Variants in RUVBL2 observed in about 807,000 individuals in gnomAD.
RUVBL2 encodes the protein ruvB-like 2.
In RUVBL2, 9 loss-of-function variants were observed where a neutral mutation model predicts 57.9. The observed-to-expected ratio is 0.16, with a 90% CI of 0.09 to 0.27. The LOEUF (loss-of-function observed/expected upper bound fraction) is 0.27, where lower values mean the gene tolerates loss of function less well. Among genes scored for constraint, RUVBL2 ranks in the 10% least tolerant of loss-of-function variants. The pLI is 1.00. For synonymous variants in RUVBL2, 278 were observed against 264.6 expected (o/e 1.05, Z -0.49); for missense variants, 456 against 669.6 (o/e 0.68, Z 3.52).
At chr19:49,014,662 C>G in intron 12 of RUVBL2, 59 bp downstream of exon 12, 1 of 1,593,766 alleles carries the variant, frequency 6.3e-7, no homozygotes, top group South Asian at 1.1e-5. Flanking sequence ...CCCTGTTTGA[C>G]AAATGCTGAC....
intron 4 of RUVBL2, among the ~76,000 whole-genome samples, chr19:49,005,438 G>A (rs2039264097): frequency 6.6e-6 from 1 of 152,200 alleles, no homozygotes; most frequent in South Asian, 2.1e-4. Flanking sequence ...TGACAGAGGA[G>A]GCTCCTGACC....
In RUVBL2 at chr19:49,007,136, C is replaced by T. The variant is rs760854037; in HGVS notation, c.384C>T (p.Gly128=). ...ALTQAFRRSI[G]VRIKEETEII... Reference sequence around the variant, plus strand: ...CGCAGGCCTTCCGGCGGTCCATCGGCGTTCGCATCAAGTAAGCGGGGGACC... The same window carrying T: ...CGCAGGCCTTCCGGCGGTCCATCGGTGTTCGCATCAAGTAAGCGGGGGACC... Residue 128 remains glycine, a synonymous_variant, in exon 5 of 15, where the codon GGC becomes GGT. Transcript: ENST00000595090. 26 of 1,613,212 alleles carry T rather than the reference C, an allele frequency of 1.6e-5. No homozygotes were observed. The highest frequency in any genetic ancestry group is 2.7e-5 in the African/African-American group (2 of 74,956).
rs902222778 is a variant in RUVBL2, at chr19:49,003,326, C to G, written c.115C>G (p.Pro39Ala). The G allele has an allele frequency of 3.1e-6, 5 of 1,613,836 alleles. No individual in the cohort carries two copies. The highest frequency in any genetic ancestry group is 2.7e-5 in the African/African-American group (2 of 74,902). ...RGLGLDDALE[P>A]RQASQGMVGQ... Reference sequence around the variant, plus strand: ...ACTGGGGCTGGACGATGCCTTGGAGCCTCGGCAGGTAGAGCAGAGGAGGCT... The same window carrying G: ...ACTGGGGCTGGACGATGCCTTGGAGGCTCGGCAGGTAGAGCAGAGGAGGCT... Residue 39 changes from proline (P) to alanine (A), a missense_variant, in exon 3 of 15, where the codon CCT (proline) becomes GCT (alanine). By Grantham distance (27) the Pro-to-Ala change is conservative. This residue lies in a region of RUVBL2 where 233 missense variants were observed against 306.0 expected (regional missense o/e 0.76). Coordinates refer to ENST00000595090, the MANE Select transcript of RUVBL2 (RefSeq NM_006666.3).
chr19:48,999,372 C>T lies in RUVBL2; in HGVS notation c.66C>T (p.Ile22=), dbSNP rs866373782. The T allele has an allele frequency of 3.1e-5, 50 of 1,614,082 alleles. No individual in the cohort carries two copies. The highest frequency in any genetic ancestry group is 3.3e-4 in the Middle Eastern group (2 of 6,084). The change falls in exon 2 of 15, where the codon ATC becomes ATT. Residue 22 remains isoleucine, a splice_region_variant and synonymous_variant. Coordinates refer to ENST00000595090, the MANE Select transcript of RUVBL2 (RefSeq NM_006666.3). ...GTGATGTAACAAGGATTGAGCGAAT[C>T]GGTGAGTGAGTTGGGTCAGGAATAG... ...EIRDVTRIER[I]GAHSHIRGLG...
At chr19:49,003,174 C>CAAAAAA in intron 2 of RUVBL2, 105 bp from the exon 3 acceptor site, 1 of 838,202 alleles carries the variant, frequency 1.2e-6, no homozygotes, top group Non-Finnish European at 2.0e-6. Flanking sequence ...CTCCCTACTC[C>CAAAAAA]CACCCACCCC....
At position 49,015,089 on chromosome 19, in the gene RUVBL2, C is replaced by T. The variant is rs2122663656; in HGVS notation, c.1190C>T (p.Thr397Met). ...YTVLTRIGLE[T>M]SLRYAIQLIT... Reference sequence around the variant, plus strand: ...GTGCTGACCCGCATCGGGCTGGAGACGTCACTGCGCTACGCCATCCAGCTC... The same window carrying T: ...GTGCTGACCCGCATCGGGCTGGAGATGTCACTGCGCTACGCCATCCAGCTC... Residue 397 changes from threonine (T) to methionine (M), a missense_variant, in exon 13 of 15, where the codon ACG becomes ATG. Physicochemically the swap from Thr to Met is moderately conservative, Grantham distance 81. Around this residue, in one of 5 missense-constraint regions of RUVBL2, gnomAD observed 130 missense variants for 243.0 expected, o/e 0.53. Coordinates refer to ENST00000595090, the MANE Select transcript of RUVBL2 (RefSeq NM_006666.3). The T allele has an allele frequency of 1.2e-6, 2 of 1,610,078 alleles. No individual in the cohort carries two copies. The highest frequency in any genetic ancestry group is 1.7e-6 in the Non-Finnish European group (2 of 1,178,316).
intron 2 of RUVBL2, among the ~76,000 whole-genome samples, chr19:48,999,779 A>G (rs973488062): frequency 6.6e-6 from 1 of 152,186 alleles, no homozygotes; most frequent in East Asian, 1.9e-4. Context: ...ATCAAGAGAT[A>G]ACCATTGAAT....
intron 11 of RUVBL2, among the ~76,000 whole-genome samples, chr19:49,013,244 G>T (rs1450850250): frequency 1.3e-5 from 2 of 151,798 alleles, no homozygotes. Context: ...TTACAGGGGT[G>T]AGTCACCGCG....
intron 2 of RUVBL2, 114 bp from the exon 3 acceptor site, chr19:49,003,165 T>TACCCAAAA: frequency 1.4e-6 from 1 of 708,038 alleles, no homozygotes; most frequent in Non-Finnish European, 2.5e-6. Context: ...CAACCCCTGC[T>TACCCAAAA]CCCTACTCCC....
chr19:49,004,706 C>T (rs2039250261), intron 4 of RUVBL2, among the ~76,000 whole-genome samples: 1 of 152,108 alleles, frequency 6.6e-6, no homozygotes, highest in African/African-American at 2.4e-5. Context: ...CCTTCCCACT[C>T]ATAACCCAGG....
At chr19:49,004,181 A>T in intron 3 of RUVBL2, 96 bp from the exon 4 acceptor site, 1 of 1,459,490 alleles carries the variant, frequency 6.9e-7, no homozygotes, top group African/African-American at 1.4e-5. Flanking sequence ...AGTCCCAGCT[A>T]GTAATGTCTG....
intron 3 of RUVBL2, 133 bp downstream of exon 3, chr19:49,003,467 C>A (rs577194893): frequency 2.0e-5 from 15 of 761,526 alleles, no homozygotes; most frequent in Non-Finnish European, 3.2e-5. Context: ...TAAACTTCAA[C>A]CACATGTGGG....
chr19:48,994,921 C>CA (rs375602233), intron 1 of RUVBL2: 164 of 138,932 alleles, frequency 1.2e-3, no homozygotes, highest in South Asian at 5.0e-3. Context: ...ACTCTGTCTC[C>CA]AAAAAAAAAA....
chr19:49,002,027 T>C (rs1165267040), intron 2 of RUVBL2, among the ~76,000 whole-genome samples: 2 of 151,640 alleles, frequency 1.3e-5, no homozygotes, highest in African/African-American at 2.4e-5. Context: ...AGTGTTCCAA[T>C]ACAAAGATTT....
At chr19:49,009,355 CGG>C (rs2039356309) in intron 6 of RUVBL2, among the ~76,000 whole-genome samples, 3 of 150,842 alleles carry the variant, frequency 2.0e-5, no homozygotes, top group Non-Finnish European at 4.4e-5. Flanking sequence ...TGCGTGGTGG[CGG>C]GCGCCTGTAG....
intron 6 of RUVBL2, 48 bp from the exon 7 acceptor site, chr19:49,009,728 C>T: frequency 6.5e-7 from 1 of 1,532,784 alleles, no homozygotes; most frequent in Non-Finnish European, 9.0e-7. Context: ...ACTGGGGCAA[C>T]ATCAGGGCCC....
chr19:49,000,085 G>A lies in RUVBL2; in HGVS notation c.67+712G>A, dbSNP rs117619433. Among the ~76,000 whole-genome samples, 1,109 of 152,336 alleles carry A rather than the reference G, an allele frequency of 7.3e-3. 10 individuals are homozygous for A. The highest frequency in any genetic ancestry group is 0.029 in the South Asian group (139 of 4,830). On this transcript the variant is annotated intron_variant, in intron 2 of 14. Coordinates refer to ENST00000595090, the MANE Select transcript of RUVBL2 (RefSeq NM_006666.3). ...AGAAGCCCAGTGCTGGATTCCTGGA[G>A]CTTAGCTCTGCCACTTTCCCACCAT...
chr19:49,015,983 G>A (rs2013040), downstream of RUVBL2: 123,773 of 1,614,066 alleles, frequency 0.077, 5,190 homozygotes, highest in Middle Eastern at 0.096. Flanking sequence ...TCCAGAGTGC[G>A]GATTGAGAAG....
chr19:49,006,964 G>A (rs1354007635), intron 4 of RUVBL2, 54 bp from the exon 5 acceptor site: 2 of 1,598,432 alleles, frequency 1.3e-6, no homozygotes, highest in African/African-American at 1.3e-5. Context: ...CAGAGCAGGT[G>A]TCGGGGACCT....
Sources: gnomAD v4.1 joint callset for allele counts (sites outside exome capture counted in the v4.1 genomes callset) on GRCh38, gnomAD v4.1.1 for gene constraint, gnomAD v4.1.1 regional missense constraint, MANE v1.5 for transcripts, NCBI Gene and HGNC (gene_info 2026-07-23, HGNC 2026-07-21) for gene names.